The following ZNF471 variants were observed in gnomAD, a reference collection of about 807,000 sequenced individuals.
ZNF471 encodes the protein zinc finger protein 471, also known as EZFIT-related protein 1.
Under a neutral mutation model 13.7 loss-of-function variants are expected in ZNF471, and 7 were observed. The observed-to-expected ratio is 0.51, with a 90% CI of 0.29 to 0.96. ZNF471 has a LOEUF of 0.96. Ranked by LOEUF, ZNF471 falls within the 40% of genes least tolerant of loss-of-function variation. The pLI is 0.08. For synonymous variants in ZNF471, 218 were observed against 235.6 expected (o/e 0.93, Z 0.68); for missense variants, 663 against 743.3 (o/e 0.89, Z 1.26).
At chr19:56,519,991 G>T (rs898777388) in intron 4 of ZNF471, among the ~76,000 whole-genome samples, 16 of 152,094 alleles carry the variant, frequency 1.1e-4, no homozygotes, top group African/African-American at 3.9e-4. Flanking sequence ...GTGAATATAG[G>T]GTTCAGTATC....
intron 1 of ZNF471, chr19:56,511,104 T>C: frequency 1.1e-6 from 1 of 940,586 alleles, no homozygotes; most frequent in Non-Finnish European, 1.3e-6. Flanking sequence ...TGTTTTTTTT[T>C]TTTTCCCAAA....
chr19:56,508,968 A>C lies in ZNF471; in HGVS notation c.-56+1048A>C, dbSNP rs1346063793. The stretch of plus-strand genomic sequence containing the variant: ...AGTGAGACTAGGTTATGTTGTTATG[A>C]GTTTGTGAGAGAGAGGGAGGCGATC... On this transcript the variant is annotated intron_variant, in intron 1 of 4. Transcript: ENST00000308031. This position sits in a 1 kb window ranked among gnomAD's most constrained non-coding sequence, Gnocchi z 4.7. 2.0e-5 allele frequency among the ~76,000 whole-genome samples: 3 copies of C among 152,156 alleles called. No homozygotes were observed. The South Asian group carries it at 6.2e-4, about 32-fold the overall frequency.
chr19:56,521,783 C>T (rs1293452501), intron 4 of ZNF471, among the ~76,000 whole-genome samples: 6 of 145,798 alleles, frequency 4.1e-5, no homozygotes, highest in Non-Finnish European at 9.1e-5. Context: ...CTCATCCCTA[C>T]TAAAAATAAA....
rs943085124 is a variant in ZNF471, at chr19:56,524,922, T to C, written c.855T>C (p.Thr285=). 2 of 1,613,492 alleles carry C rather than the reference T, an allele frequency of 1.2e-6. No individual in the cohort carries two copies. The highest frequency in any genetic ancestry group is 1.7e-6 in the Non-Finnish European group (2 of 1,179,854). ...EHLIQHQRIH[T]GEKPYKCKEC... ...TTATTCAGCATCAAAGAATTCATAC[T>C]GGAGAAAAACCATATAAATGTAAGG... The change falls in exon 5 of 5, where the codon ACT becomes ACC. Residue 285 remains threonine, a synonymous_variant. Coordinates refer to ENST00000308031, the MANE Select transcript of ZNF471 (RefSeq NM_020813.4). This position sits in a 1 kb window ranked among gnomAD's most constrained non-coding sequence, Gnocchi z 4.8.
At position 56,525,664 on chromosome 19, in the gene ZNF471, C is replaced by T; in HGVS notation, c.1597C>T (p.His533Tyr). 6.2e-7 allele frequency: 1 copy of T among 1,614,132 alleles called. No homozygotes were observed. The highest frequency in any genetic ancestry group is 8.5e-7 in the Non-Finnish European group (1 of 1,179,994). ...CAAACAGAGATCACACCTTGCCCAACATCAGAAAACTCATACAGGAGAGAA... is the reference window on the plus strand; with the variant it reads ...CAAACAGAGATCACACCTTGCCCAATATCAGAAAACTCATACAGGAGAGAA... ...AFKQRSHLAQHQKTHTGEKPY... is the reference protein window; with the variant it reads ...AFKQRSHLAQYQKTHTGEKPY... The change falls in exon 5 of 5, where the codon CAT becomes TAT. Residue 533 changes from histidine (H) to tyrosine (Y), a missense_variant. Coordinates refer to ENST00000308031, the MANE Select transcript of ZNF471 (RefSeq NM_020813.4).
Position 56,525,293 on chromosome 19 carries a change from G to C in ZNF471, c.1226G>C (p.Gly409Ala). The C allele has an allele frequency of 6.2e-7, 1 of 1,611,838 alleles. No homozygotes were observed. Among genetic ancestry groups the C allele is most frequent in the South Asian group, 1.1e-5 (1 of 90,830 alleles). The change falls in exon 5 of 5, where the codon GGA becomes GCA. Residue 409 changes from glycine (G) to alanine (A), a missense_variant. Transcript: ENST00000308031. ...GEKPYKCGVC[G>A]KTFSSGSSRT... is the part of the protein sequence containing the mutation. Reference sequence around the variant, plus strand: ...AAACCTTACAAATGTGGTGTGTGTGGAAAAACCTTCAGCTCGGGTTCATCC... The same window carrying C: ...AAACCTTACAAATGTGGTGTGTGTGCAAAAACCTTCAGCTCGGGTTCATCC...
chr19:56,525,952 T>A lies in ZNF471; in HGVS notation c.*4T>A. 3 of 1,542,772 alleles carry A rather than the reference T, an allele frequency of 1.9e-6. No individual in the cohort carries two copies. Among genetic ancestry groups the A allele is most frequent in the Non-Finnish European group, 2.6e-6 (3 of 1,148,654 alleles). Reference sequence around the variant, plus strand: ...TCATACTGGAGAAGAACCTTAAGAATGTAGTGCATGTGGCCAAGCCTTTAG... The same window carrying A: ...TCATACTGGAGAAGAACCTTAAGAAAGTAGTGCATGTGGCCAAGCCTTTAG... On this transcript the variant is annotated 3_prime_UTR_variant, in exon 5 of 5. Coordinates refer to ENST00000308031, the MANE Select transcript of ZNF471 (RefSeq NM_020813.4).
chr19:56,528,812 G>A lies in ZNF471; in HGVS notation c.*2864G>A, dbSNP rs1469554086. 6.6e-6 allele frequency: 1 copy of A among 151,988 alleles called. No homozygotes were observed. Among genetic ancestry groups the A allele is most frequent in the African/African-American group, 2.4e-5 (1 of 41,348 alleles). The allele number at this position is 151,988 out of a possible 1,614,324, so 9.4% of individuals were successfully genotyped here. A position where few individuals can be genotyped will look rare whatever the true frequency, so the allele number is the denominator to read the frequency against. Reference sequence around the variant, plus strand: ...AAAAAATCACTAATGTTTAACTGAAGAAAGAGAAATTGAATAATATAGTTC... The same window carrying A: ...AAAAAATCACTAATGTTTAACTGAAAAAAGAGAAATTGAATAATATAGTTC... On this transcript the variant is annotated 3_prime_UTR_variant, in exon 5 of 5. Coordinates refer to ENST00000308031, the MANE Select transcript of ZNF471 (RefSeq NM_020813.4).
intron 2 of ZNF471, among the ~76,000 whole-genome samples, chr19:56,511,957 T>C (rs1270101316): frequency 2.0e-5 from 3 of 152,216 alleles, no homozygotes; most frequent in African/African-American, 7.2e-5. Flanking sequence ...TTCCTATATA[T>C]AGAATGCATT....
In ZNF471 at chr19:56,508,805, A is replaced by G. The variant is rs1389617359; in HGVS notation, c.-56+885A>G. 1.3e-5 allele frequency among the ~76,000 whole-genome samples: 2 copies of G among 150,498 alleles called. No homozygotes were observed. The highest frequency in any genetic ancestry group is 4.9e-5 in the African/African-American group (2 of 40,806). ...AGGGTGTGTTCGTGTGTGAGAGACA[A>G]CATAGCGTGAGACCAGTGAGTGTGA... is the stretch of plus-strand genomic sequence containing the variant. On this transcript the variant is annotated intron_variant, in intron 1 of 4. Coordinates refer to ENST00000308031, the MANE Select transcript of ZNF471 (RefSeq NM_020813.4). The surrounding 1 kb of genome is among the most constrained non-coding windows in gnomAD (Gnocchi z 4.7).
intron 1 of ZNF471, among the ~76,000 whole-genome samples, chr19:56,509,562 G>A (rs760740182): frequency 1.1e-4 from 17 of 152,318 alleles, no homozygotes; most frequent in African/African-American, 1.7e-4. Context: ...GAGCAATTTT[G>A]TAGGGCTGAG....
intron 4 of ZNF471, among the ~76,000 whole-genome samples, chr19:56,523,308 G>T (rs767835351): frequency 2.4e-4 from 37 of 151,706 alleles, no homozygotes; most frequent in Non-Finnish European, 4.3e-4. Context: ...GAGTTAGTGA[G>T]CCATGATCAT....
Position 56,510,516 on chromosome 19 carries a change from T to C in ZNF471, c.-55-1001T>C. On this transcript the variant is annotated intron_variant, in intron 1 of 4. Transcript: ENST00000308031. The surrounding 1 kb of genome is among the most constrained non-coding windows in gnomAD (Gnocchi z 4.3). ...TGTGAGAGAAGTAAGATTGGGGGTA[T>C]GTGTGAAGGTGTTGGTGAATCACCA... 1 of 985,624 alleles carries C rather than the reference T, an allele frequency of 1.0e-6. No homozygotes were observed. Among genetic ancestry groups the C allele is most frequent in the African/African-American group, 1.7e-5 (1 of 57,306 alleles). The allele number at this position is 985,624 out of a possible 1,614,324, so 61.1% of individuals were successfully genotyped here.
At chr19:56,517,955 T>C (rs1025972274) in intron 3 of ZNF471, among the ~76,000 whole-genome samples, 5 of 152,240 alleles carry the variant, frequency 3.3e-5, no homozygotes, top group Non-Finnish European at 5.9e-5. Flanking sequence ...TCTTAAGTAT[T>C]GATATAATAA....
chr19:56,512,931 G>A (rs933915669), intron 2 of ZNF471, among the ~76,000 whole-genome samples: 1 of 152,064 alleles, frequency 6.6e-6, no homozygotes, highest in Non-Finnish European at 1.5e-5. Flanking sequence ...GAGTTCATGA[G>A]ATATTAAAAA....
At chr19:56,521,650 A>G (rs1054690003) in intron 4 of ZNF471, among the ~76,000 whole-genome samples, 1 of 145,552 alleles carries the variant, frequency 6.9e-6, no homozygotes, top group Admixed American at 6.8e-5. Flanking sequence ...AAAAAAAAAA[A>G]AAAAAAAAAC....
intron 3 of ZNF471, 148 bp from the exon 4 acceptor site, chr19:56,518,334 C>T (rs931611106): frequency 1.6e-5 from 10 of 624,754 alleles, no homozygotes; most frequent in South Asian, 4.0e-5. Context: ...TAGGCTATTC[C>T]AGAGTTTTAT....
chr19:56,511,327 G>T (rs970544874), intron 1 of ZNF471, among the ~76,000 whole-genome samples, 190 bp from the exon 2 acceptor site: 3 of 151,480 alleles, frequency 2.0e-5, no homozygotes, highest in South Asian at 2.1e-4. Flanking sequence ...CTTTGAAAAA[G>T]ATTAAATTTA....
At chr19:56,511,450 T>C in intron 1 of ZNF471, 67 bp from the exon 2 acceptor site, 2 of 1,250,848 alleles carry the variant, frequency 1.6e-6, no homozygotes, top group South Asian at 1.5e-5. Flanking sequence ...AAGACAGTTT[T>C]AGGCTAGTGA....
Sources: gnomAD v4.1 joint callset for allele counts (sites outside exome capture counted in the v4.1 genomes callset) on GRCh38, gnomAD v4.1.1 for gene constraint, Gnocchi (gnomAD v3.1) non-coding constraint, MANE v1.5 for transcripts, NCBI Gene and HGNC (gene_info 2026-07-23, HGNC 2026-07-21) for gene names.